CIT: variants seen among roughly 807,000 people sequenced by gnomAD.
CIT encodes the protein citron rho-interacting serine/threonine kinase.
In CIT, 79 loss-of-function variants were observed where a neutral mutation model predicts 272.7. The observed-to-expected ratio is 0.29, with a 90% CI of 0.24 to 0.35. The LOEUF (loss-of-function observed/expected upper bound fraction) is 0.35. Ranked by LOEUF, CIT falls within the 10% of genes least tolerant of loss-of-function variation. The pLI is 1.00. For synonymous variants in CIT, 948 were observed against 995.6 expected, an observed-to-expected ratio of 0.95 and a Z score of 0.90; for missense variants, 1,909 against 2,618.3, an observed-to-expected ratio of 0.73 and a Z score of 5.91.
At chr12:119,856,216 TA>T (rs950995432) in intron 4 of CIT, among the ~76,000 whole-genome samples, 2 of 152,122 alleles carry the variant, frequency 1.3e-5, no homozygotes, top group Non-Finnish European at 2.9e-5. Flanking sequence ...GAGGCCTAAA[TA>T]ATCCCCAACA....
chr12:119,778,805 C>G (rs1034729215), intron 13 of CIT, among the ~76,000 whole-genome samples: 1 of 152,138 alleles, frequency 6.6e-6, no homozygotes, highest in Non-Finnish European at 1.5e-5. Context: ...CAAAAGCATA[C>G]TGTTATTGAA....
intron 9 of CIT, among the ~76,000 whole-genome samples, chr12:119,820,321 T>C (rs537979842): frequency 6.6e-6 from 1 of 151,640 alleles, no homozygotes; most frequent in South Asian, 2.1e-4. Context: ...GAGGCTAAGG[T>C]AGGCAGATCA....
intron 24 of CIT, among the ~76,000 whole-genome samples, chr12:119,738,424 C>A (rs766660627): frequency 6.6e-6 from 1 of 152,008 alleles, no homozygotes; most frequent in Non-Finnish European, 1.5e-5. Flanking sequence ...ACCTTTTAAC[C>A]CCAAAGATAG....
intron 44 of CIT, chr12:119,698,273 G>C: frequency 1.7e-6 from 1 of 588,310 alleles, no homozygotes; most frequent in Non-Finnish European, 3.1e-6. Flanking sequence ...CAAGTGTACA[G>C]TGTAGGGATT....
chr12:119,857,210 C>T (rs1950196750), intron 4 of CIT, among the ~76,000 whole-genome samples: 2 of 152,180 alleles, frequency 1.3e-5, no homozygotes, highest in African/African-American at 4.8e-5. Context: ...TATGTATATC[C>T]TGAGTCCTCA....
At chr12:119,827,049 G>A (rs1968229362) in intron 7 of CIT, among the ~76,000 whole-genome samples, 2 of 151,932 alleles carry the variant, frequency 1.3e-5, no homozygotes, top group South Asian at 2.1e-4. Context: ...TAGGGCCCAC[G>A]CTCTGATACA....
intron 5 of CIT, among the ~76,000 whole-genome samples, chr12:119,841,134 A>G (rs1969381087): frequency 6.6e-6 from 1 of 152,078 alleles, no homozygotes. Flanking sequence ...TTCAAAGCTT[A>G]GCTGTACCTT....
At chr12:119,837,893 C>T (rs1033309466) in intron 5 of CIT, among the ~76,000 whole-genome samples, 2 of 152,100 alleles carry the variant, frequency 1.3e-5, no homozygotes, top group Non-Finnish European at 2.9e-5. Flanking sequence ...CAAAGCCAGA[C>T]CCCACCTCTA....
At chr12:119,852,356 A>G (rs1173426231) in intron 4 of CIT, among the ~76,000 whole-genome samples, 1 of 152,188 alleles carries the variant, frequency 6.6e-6, no homozygotes, top group African/African-American at 2.4e-5. Flanking sequence ...AGATTGAAGG[A>G]GACTAAAGAG....
chr12:119,854,737 T>C (rs968275126), intron 4 of CIT, among the ~76,000 whole-genome samples: 2 of 151,132 alleles, frequency 1.3e-5, no homozygotes, highest in African/African-American at 4.9e-5. Context: ...GATCACAAGG[T>C]CAGGAGTTCG....
In CIT at chr12:119,712,392, G is replaced by A. The variant is rs193282891; in HGVS notation, c.4685-45C>T. 841 of 1,555,568 alleles carry A rather than the reference G, an allele frequency of 5.4e-4. 2 individuals are homozygous for A. Among genetic ancestry groups the A allele is most frequent in the Admixed American group, 8.7e-4 (48 of 55,216 alleles). On this transcript the variant is annotated intron_variant, in intron 36 of 47. Coordinates refer to ENST00000392521, the MANE Select transcript of CIT (RefSeq NM_001206999.2). The surrounding 1 kb of genome is among the most constrained non-coding windows in gnomAD (Gnocchi z 5.2). ...ACAGGATTGGGTGTGGATTTCCCCC[G>A]TTCCCACTGGGAGGGACGGGCCTGA...
rs769659688 is a variant in CIT at position 119,758,719 on chromosome 12, A to G, written c.2422-19T>C. Reference sequence around the variant, plus strand: ...TGATCATCTGAAACACAGGGCACCTATGAAACTTCACACACCAGAACAGGA... The same window carrying G: ...TGATCATCTGAAACACAGGGCACCTGTGAAACTTCACACACCAGAACAGGA... On this transcript the variant is annotated intron_variant, in intron 20 of 47. Coordinates refer to ENST00000392521, the MANE Select transcript of CIT (RefSeq NM_001206999.2). 19 of 1,508,532 alleles carry G rather than the reference A, an allele frequency of 1.3e-5. No individual in the cohort carries two copies. The East Asian group carries it at 2.3e-4, about 18-fold the overall frequency. 93.4% of individuals were successfully genotyped at this position (1,508,532 alleles called of 1,614,324 possible). A position where few individuals can be genotyped will look rare whatever the true frequency, so the allele number is the denominator to read the frequency against.
intron 23 of CIT, among the ~76,000 whole-genome samples, chr12:119,750,657 C>T (rs1960097250): frequency 6.6e-6 from 1 of 151,888 alleles, no homozygotes; most frequent in South Asian, 2.1e-4. Context: ...ACTGTCAGAT[C>T]ACATTCCCAG....
At chr12:119,871,590 A>G (rs1950680301) in intron 2 of CIT, among the ~76,000 whole-genome samples, 2 of 152,312 alleles carry the variant, frequency 1.3e-5, no homozygotes, top group South Asian at 4.1e-4. Flanking sequence ...GAGGTGGCTC[A>G]CACCTGGAAT....
At chr12:119,751,089 G>A (rs1960205213) in intron 23 of CIT, among the ~76,000 whole-genome samples, 2 of 152,186 alleles carry the variant, frequency 1.3e-5, no homozygotes, top group African/African-American at 4.8e-5. Context: ...ATGATACTAT[G>A]AGAAATGTAT....
At chr12:119,735,019 TG>T in intron 25 of CIT, 140 bp downstream of exon 25, 1 of 767,558 alleles carries the variant, frequency 1.3e-6, no homozygotes, top group Non-Finnish European at 2.1e-6. Context: ...CCTAAAGGCT[TG>T]GAAAAAAGAC....
At chr12:119,752,476 CCTTA>C (rs1406049215) in intron 22 of CIT, among the ~76,000 whole-genome samples, 11 of 152,114 alleles carry the variant, frequency 7.2e-5, no homozygotes, top group Non-Finnish European at 1.3e-4. Flanking sequence ...CCTAACCACC[CCTTA>C]CTTACATATA....
chr12:119,767,312 G>A lies in CIT; in HGVS notation c.2209-130C>T. On this transcript the variant is annotated intron_variant, in intron 18 of 47. Transcript: ENST00000392521. ...ACGGTCATCTGGTCCTCCATTACTA[G>A]CCTAAGGCTCTTGGGAAGGAAACCA... 3 of 647,428 alleles carry A rather than the reference G, an allele frequency of 4.6e-6. No individual in the cohort carries two copies. In the East Asian group the frequency reaches 8.2e-5, roughly 18 times the overall value. 40.1% of individuals were successfully genotyped at this position (647,428 alleles called of 1,614,324 possible).
intron 19 of CIT, among the ~76,000 whole-genome samples, chr12:119,766,081 G>A (rs775462148): frequency 1.3e-5 from 2 of 152,092 alleles, no homozygotes; most frequent in Non-Finnish European, 1.5e-5. Context: ...GGGTGGGGTG[G>A]GGAGAGCATC....
Sources: allele counts gnomAD v4.1 joint callset (sites outside exome capture counted in the v4.1 genomes callset), GRCh38; gene constraint gnomAD v4.1.1; non-coding constraint Gnocchi (gnomAD v3.1); transcripts MANE v1.5; gene names NCBI Gene and HGNC (gene_info 2026-07-23, HGNC 2026-07-21).